The following KTN1 variants were observed in gnomAD, a reference collection of about 807,000 sequenced individuals.
The protein encoded by KTN1 is kinectin 1, also known as kinectin.
A neutral mutation model predicts 222.5 loss-of-function variants in KTN1; 130 were observed. That is an observed-to-expected ratio of 0.58 (90% CI 0.51 to 0.68). KTN1 has a LOEUF of 0.68. Ranked by LOEUF, KTN1 falls within the 30% of genes least tolerant of loss-of-function variation. The pLI is 0.00. For synonymous variants in KTN1, 512 were observed against 496.3 expected, an observed-to-expected ratio of 1.03 and a Z score of -0.42; for missense variants, 1,508 against 1,500.4, an observed-to-expected ratio of 1.01 and a Z score of -0.08.
intron 1 of KTN1, among the ~76,000 whole-genome samples, chr14:55,594,892 T>G (rs1299032451): frequency 6.6e-6 from 1 of 152,208 alleles, no homozygotes; most frequent in Admixed American, 6.5e-5. Flanking sequence ...AGTGTCACTT[T>G]TTGGGAAGTC....
Position 55,653,099 on chromosome 14 carries a change from A to T in KTN1, c.2763+14A>T. On this transcript the variant is annotated intron_variant, in intron 27 of 43. Transcript: ENST00000395314. ...AACTTGAAAGAGGTATAGTATAAACAAATTACCAACATGTTACATAAGGAA... is the reference window on the plus strand; with the variant it reads ...AACTTGAAAGAGGTATAGTATAAACTAATTACCAACATGTTACATAAGGAA... 1 of 1,477,018 alleles carries T rather than the reference A, an allele frequency of 6.8e-7. No individual in the cohort carries two copies. Among genetic ancestry groups the T allele is most frequent in the Non-Finnish European group, 9.4e-7 (1 of 1,062,266 alleles). The allele number at this position is 1,477,018 out of a possible 1,614,324, so 91.5% of individuals were successfully genotyped here. A position where few individuals can be genotyped will look rare whatever the true frequency, so the allele number is the denominator to read the frequency against.
intron 1 of KTN1, among the ~76,000 whole-genome samples, chr14:55,584,924 G>A (rs1349114043): frequency 6.6e-6 from 1 of 152,010 alleles, no homozygotes; most frequent in Non-Finnish European, 1.5e-5. Flanking sequence ...CTTGAGCCCA[G>A]CAGTTTGGGA....
chr14:55,636,406 G>A, intron 9 of KTN1, 43 bp from the exon 10 acceptor site: 2 of 1,437,642 alleles, frequency 1.4e-6, no homozygotes, highest in East Asian at 2.3e-5. Flanking sequence ...TAGAAATTCT[G>A]TGTTTGTGCT....
At chr14:55,590,122 T>G (rs565448139) in intron 1 of KTN1, among the ~76,000 whole-genome samples, 2 of 152,230 alleles carry the variant, frequency 1.3e-5, no homozygotes, top group South Asian at 2.1e-4. Flanking sequence ...TAGGAATAAC[T>G]TTCTACAATT....
At position 55,644,500 on chromosome 14, in the gene KTN1, G is replaced by GC. The variant is rs2042102136; in HGVS notation, c.2173-2472dup. On this transcript the variant is annotated intron_variant, in intron 18 of 43. Coordinates refer to ENST00000395314, the MANE Select transcript of KTN1 (RefSeq NM_001079521.2). ...GAAGGCTGCATTTGGATTTAGGCTTGCAGATGGTCAGATAATGCAAATAAA... is the reference window on the plus strand; with the variant it reads ...GAAGGCTGCATTTGGATTTAGGCTTGCCAGATGGTCAGATAATGCAAATAAA... 4 of 674,984 alleles carry GC rather than the reference G, an allele frequency of 5.9e-6. No homozygotes were observed. The Admixed American group carries it at 6.1e-5, about 10-fold the overall frequency. 41.8% of individuals were successfully genotyped at this position (674,984 alleles called of 1,614,324 possible).
chr14:55,602,988 C>T (rs1235728564), intron 1 of KTN1, among the ~76,000 whole-genome samples: 1 of 152,206 alleles, frequency 6.6e-6, no homozygotes, highest in African/African-American at 2.4e-5. Context: ...CGTCTACCTC[C>T]TTTCCTGTCC....
At chr14:55,668,015 G>A (rs1422101242) in intron 34 of KTN1, 1 of 151,522 alleles carries the variant, frequency 6.6e-6, no homozygotes, top group Non-Finnish European at 1.5e-5. Context: ...TACATGGCAC[G>A]CATATAAGCA....
chr14:55,614,710 T>G, intron 2 of KTN1, among the ~76,000 whole-genome samples: 1 of 152,246 alleles, frequency 6.6e-6, no homozygotes. Context: ...ATGACTGGCT[T>G]TCATGCTGCA....
At position 55,612,100 on chromosome 14, in the gene KTN1, ATTACAG is replaced by A. The variant is rs2037663974; in HGVS notation, c.54_59del (p.Thr19_Val20del). ...TATTGTTCTTATTCCTTCAATAGTT[ATTACAG>A]TAATTTTCCTCTTCTTCTGGCTTTT... On this transcript the variant is annotated inframe_deletion, in exon 2 of 44. Coordinates refer to ENST00000395314, the MANE Select transcript of KTN1 (RefSeq NM_001079521.2). The A allele has an allele frequency of 3.2e-6, 5 of 1,543,944 alleles. No homozygotes were observed. In the East Asian group the frequency reaches 1.1e-4, roughly 35 times the overall value.
rs780101763 is a variant in KTN1 at position 55,618,203 on chromosome 14, G to A, written c.832+69G>A. ...ATTTCTGAGTTCTGATGGAGTCATA[G>A]ATTTCATTTTCTCATAGAAACAATG... On this transcript the variant is annotated intron_variant, in intron 4 of 43. Transcript: ENST00000395314. The A allele has an allele frequency of 1.7e-4, 194 of 1,151,270 alleles. 1 individual carries two copies. Among genetic ancestry groups the A allele is most frequent in the Non-Finnish European group, 2.2e-4 (183 of 832,024 alleles). 71.3% of individuals were successfully genotyped at this position (1,151,270 alleles called of 1,614,324 possible). A position where few individuals can be genotyped will look rare whatever the true frequency, so the allele number is the denominator to read the frequency against.
chr14:55,616,243 C>G (rs1485585833), intron 2 of KTN1, among the ~76,000 whole-genome samples: 2 of 152,002 alleles, frequency 1.3e-5, no homozygotes, highest in Admixed American at 6.6e-5. Context: ...AGCAGCTGCA[C>G]CTTGCTGTTT....
At chr14:55,635,634 T>C (rs763714257) in intron 9 of KTN1, among the ~76,000 whole-genome samples, 1 of 152,238 alleles carries the variant, frequency 6.6e-6, no homozygotes, top group Non-Finnish European at 1.5e-5. Flanking sequence ...ATTTATCTCA[T>C]TTTATATGCA....
At chr14:55,641,900 G>A in intron 18 of KTN1, 140 bp downstream of exon 18, 1 of 626,942 alleles carries the variant, frequency 1.6e-6, no homozygotes, top group Non-Finnish European at 2.9e-6. Flanking sequence ...TATTCATCCT[G>A]TATCTAAATT....
At chr14:55,646,280 TATC>T (rs2042266144) in intron 18 of KTN1, among the ~76,000 whole-genome samples, 1 of 152,172 alleles carries the variant, frequency 6.6e-6, no homozygotes, top group Non-Finnish European at 1.5e-5. Flanking sequence ...AGTTACATAA[TATC>T]TATCTACCAA....
chr14:55,637,678 AAAG>A, intron 11 of KTN1, 98 bp from the exon 12 acceptor site: 2 of 849,868 alleles, frequency 2.4e-6, no homozygotes, highest in South Asian at 2.2e-5. Flanking sequence ...TAAAAAAAAA[AAAG>A]AAAAAGATAA....
At chr14:55,585,572 A>G (rs961458571) in intron 1 of KTN1, among the ~76,000 whole-genome samples, 1 of 152,236 alleles carries the variant, frequency 6.6e-6, no homozygotes, top group Admixed American at 6.5e-5. Flanking sequence ...ATGAAAAGAT[A>G]GGCACTGGGA....
chr14:55,656,304 G>C, intron 29 of KTN1, 172 bp downstream of exon 29: 1 of 572,554 alleles, frequency 1.7e-6, no homozygotes, highest in Non-Finnish European at 3.1e-6. Context: ...CATAAAATGT[G>C]TGTATGTATG....
chr14:55,654,975 G>C (rs1036557656), intron 28 of KTN1, among the ~76,000 whole-genome samples: 2 of 151,944 alleles, frequency 1.3e-5, no homozygotes, highest in Non-Finnish European at 2.9e-5. Flanking sequence ...TTCTGGTTTG[G>C]CTCTTTTCTT....
chr14:55,619,679 T>G (rs1213063573), intron 5 of KTN1, among the ~76,000 whole-genome samples: 1 of 152,122 alleles, frequency 6.6e-6, no homozygotes, highest in Non-Finnish European at 1.5e-5. Context: ...CTTGTAAGGC[T>G]TATTTACTAC....
Sources: allele counts gnomAD v4.1 joint callset (sites outside exome capture counted in the v4.1 genomes callset), GRCh38; gene constraint gnomAD v4.1.1; transcripts MANE v1.5; gene names NCBI Gene and HGNC (gene_info 2026-07-23, HGNC 2026-07-21).